The following ELAVL2 variants were observed in gnomAD, a reference collection of about 807,000 sequenced individuals.
The protein encoded by ELAVL2 is ELAV-like protein 2.
ELAVL2 carries 4 observed loss-of-function variants against 34.6 expected under a neutral mutation model. The ratio of observed to expected loss-of-function variants is 0.12; its 90% CI spans 0.06 to 0.26. ELAVL2 has a LOEUF of 0.26. ELAVL2 is among the 10% of genes least tolerant of loss of function. The pLI, the probability that ELAVL2 is intolerant of heterozygous loss-of-function variation, is 1.00. For synonymous variants in ELAVL2, 193 were observed against 154.8 expected (o/e 1.25, Z -1.83); for missense variants, 432 against 442.8 (o/e 0.98, Z 0.22).
intron 1 of ELAVL2, among the ~76,000 whole-genome samples, chr9:23,781,100 T>C (rs1359393141): frequency 6.6e-6 from 1 of 152,172 alleles, no homozygotes; most frequent in Non-Finnish European, 1.5e-5. Flanking sequence ...TAAGAACAGA[T>C]TTTTCTCACT....
intron 2 of ELAVL2, among the ~76,000 whole-genome samples, chr9:23,738,366 T>C (rs1480780602): frequency 6.6e-6 from 1 of 152,214 alleles, no homozygotes; most frequent in African/African-American, 2.4e-5. Context: ...GGTCCTTCCA[T>C]TTAAACACTC....
At chr9:23,701,109 C>G (rs894697478) in intron 5 of ELAVL2, among the ~76,000 whole-genome samples, 1 of 152,124 alleles carries the variant, frequency 6.6e-6, no homozygotes, top group Non-Finnish European at 1.5e-5. Context: ...CTAGACATTG[C>G]CAAATGTTCC....
At chr9:23,728,517 T>C (rs1174806323) in intron 3 of ELAVL2, among the ~76,000 whole-genome samples, 1 of 151,966 alleles carries the variant, frequency 6.6e-6, no homozygotes, top group South Asian at 2.1e-4. Flanking sequence ...GGTAAAACAG[T>C]AGAGAAACAC....
In ELAVL2 at chr9:23,691,847, T is replaced by C. The variant is rs753448698; in HGVS notation, c.*710A>G. ...TTCTCAAAGTATTCAAGTCAAAATA[T>C]TTGTTCCAGGACCAGTAAAAAGTTT... On this transcript the variant is annotated 3_prime_UTR_variant, in exon 7 of 7. Transcript: ENST00000397312. 8 of 152,588 alleles carry C rather than the reference T, an allele frequency of 5.2e-5. No individual in the cohort carries two copies. The highest frequency in any genetic ancestry group is 1.2e-4 in the Non-Finnish European group (8 of 68,020). 9.5% of individuals were successfully genotyped at this position (152,588 alleles called of 1,614,324 possible). A position where few individuals can be genotyped will look rare whatever the true frequency, so the allele number is the denominator to read the frequency against.
At chr9:23,728,370 C>T (rs2045759739) in intron 3 of ELAVL2, among the ~76,000 whole-genome samples, 12 of 152,026 alleles carry the variant, frequency 7.9e-5, no homozygotes, top group Admixed American at 7.9e-4. Flanking sequence ...AAAGGGTATA[C>T]CAAAAAGTCG....
At chr9:23,783,403 C>T (rs1193126617) in intron 1 of ELAVL2, 5 of 975,014 alleles carry the variant, frequency 5.1e-6, no homozygotes, top group African/African-American at 3.5e-5. Flanking sequence ...TGAAGAAAAA[C>T]ATGTAACTTC....
intron 2 of ELAVL2, among the ~76,000 whole-genome samples, chr9:23,737,940 T>G (rs1478370762): frequency 6.6e-6 from 1 of 152,218 alleles, no homozygotes; most frequent in East Asian, 1.9e-4. Context: ...GCAAATAATT[T>G]GATTTGCAAA....
At chr9:23,704,731 A>C (rs1236074394) in intron 4 of ELAVL2, among the ~76,000 whole-genome samples, 187 bp downstream of exon 4, 1 of 152,186 alleles carries the variant, frequency 6.6e-6, no homozygotes, top group African/African-American at 2.4e-5. Context: ...AAGCACGCTC[A>C]CTATACTCCA....
At chr9:23,756,176 T>C (rs998220117) in intron 2 of ELAVL2, among the ~76,000 whole-genome samples, 3 of 152,068 alleles carry the variant, frequency 2.0e-5, no homozygotes, top group African/African-American at 7.2e-5. Context: ...TGTAAAATTC[T>C]CAGCAAGCAG....
At position 23,743,268 on chromosome 9, in the gene ELAVL2, A is replaced by G. The variant is rs370039383; in HGVS notation, c.230-12143T>C. Among the ~76,000 whole-genome samples, 46 of 152,298 alleles carry G rather than the reference A, an allele frequency of 3.0e-4. No homozygotes were observed. In the East Asian group the frequency reaches 7.9e-3, roughly 26 times the overall value. ...GCCCACCAATTAACAGATGGCTCCT[A>G]AAGAGAAGTACAAAATGGTGCAGCT... is the stretch of plus-strand genomic sequence containing the variant. On this transcript the variant is annotated intron_variant, in intron 2 of 6. Coordinates refer to ENST00000397312, the MANE Select transcript of ELAVL2 (RefSeq NM_004432.5).
intron 1 of ELAVL2, among the ~76,000 whole-genome samples, chr9:23,768,760 G>A (rs554256157): frequency 1.3e-5 from 2 of 152,258 alleles, no homozygotes; most frequent in Non-Finnish European, 2.9e-5. Context: ...CAGGGTTATG[G>A]ATATGGGCAT....
At chr9:23,699,175 C>A (rs192572168) in intron 5 of ELAVL2, among the ~76,000 whole-genome samples, 1 of 152,244 alleles carries the variant, frequency 6.6e-6, no homozygotes, top group Admixed American at 6.5e-5. Context: ...ATAAGAACAT[C>A]CTGTAAAGCT....
chr9:23,774,235 A>AAAAAAAAAAAAAG (rs59791462), intron 1 of ELAVL2, among the ~76,000 whole-genome samples: 9 of 132,310 alleles, frequency 6.8e-5, no homozygotes, highest in African/African-American at 2.8e-4. Flanking sequence ...AAAAAAAAAA[A>AAAAAAAAAAAAAG]AAAGAAAGAA....
At chr9:23,773,043 G>C (rs1200565050) in intron 1 of ELAVL2, among the ~76,000 whole-genome samples, 1 of 151,994 alleles carries the variant, frequency 6.6e-6, no homozygotes, top group African/African-American at 2.4e-5. Flanking sequence ...TAAGTTCCTG[G>C]TTATTTACTA....
At chr9:23,737,759 C>G (rs2048239433) in intron 2 of ELAVL2, among the ~76,000 whole-genome samples, 1 of 152,152 alleles carries the variant, frequency 6.6e-6, no homozygotes. Flanking sequence ...CCGTGTGAAT[C>G]TTTTTCAAAT....
intron 2 of ELAVL2, among the ~76,000 whole-genome samples, chr9:23,734,645 T>C (rs935957144): frequency 6.6e-6 from 1 of 152,248 alleles, no homozygotes; most frequent in Non-Finnish European, 1.5e-5. Context: ...CTTGTTTGAT[T>C]ACTATCTCAA....
At chr9:23,698,660 G>A (rs569662931) in intron 5 of ELAVL2, among the ~76,000 whole-genome samples, 13 of 151,644 alleles carry the variant, frequency 8.6e-5, no homozygotes, top group Non-Finnish European at 1.8e-4. Flanking sequence ...ATATCTGTGT[G>A]ATGATTTAGA....
Position 23,762,075 on chromosome 9 carries a change from C to G in ELAVL2, c.160G>C (p.Glu54Gln). 1.2e-6 allele frequency: 2 copies of G among 1,613,410 alleles called. No individual in the cohort carries two copies. The highest frequency in any genetic ancestry group is 1.7e-6 in the Non-Finnish European group (2 of 1,179,568). Residue 54 changes from glutamate (E) to glutamine (Q), a missense_variant, in exon 2 of 7, where the codon GAA becomes CAA. Transcript: ENST00000397312. ...NYLPQNMTQE[E>Q]LKSLFGSIGE... ...ATGCTCCCAAAGAGACTCTTTAGTTCCTCCTGTGTCATGTTCTGAGGAAGG... is the reference window on the plus strand; with the variant it reads ...ATGCTCCCAAAGAGACTCTTTAGTTGCTCCTGTGTCATGTTCTGAGGAAGG...
chr9:23,752,525 G>C (rs937393173), intron 2 of ELAVL2, among the ~76,000 whole-genome samples: 1 of 151,782 alleles, frequency 6.6e-6, no homozygotes, highest in African/African-American at 2.4e-5. Context: ...GAGTGCAGTG[G>C]CTCACTGCAA....
Sources: gnomAD v4.1 joint callset for allele counts (sites outside exome capture counted in the v4.1 genomes callset) on GRCh38, gnomAD v4.1.1 for gene constraint, MANE v1.5 for transcripts, NCBI Gene and HGNC (gene_info 2026-07-23, HGNC 2026-07-21) for gene names.